Variants in THADA observed in about 807,000 individuals in gnomAD.
The protein encoded by THADA is THADA armadillo repeat containing, also known as tRNA (32-2'-O)-methyltransferase regulator THADA.
In THADA, 213 loss-of-function variants were observed where a neutral mutation model predicts 219.8. That is an observed-to-expected ratio of 0.97 (90% confidence interval 0.87 to 1.09). The LOEUF (loss-of-function observed/expected upper bound fraction) is 1.09. THADA is among the 50% of genes least tolerant of loss of function. The pLI is 0.00. For synonymous variants in THADA, 1,018 were observed against 828.9 expected (o/e 1.23, Z -3.92); for missense variants, 2,956 against 2,311.3 (o/e 1.28, Z -5.72).
At chr2:43,331,856 T>C (rs1005515027) in intron 30 of THADA, among the ~76,000 whole-genome samples, 7 of 151,604 alleles carry the variant, frequency 4.6e-5, no homozygotes, top group Non-Finnish European at 8.8e-5. Context: ...ACTGTCTAAA[T>C]TTTCATTTAG....
chr2:43,580,857 G>A (rs1347182025), intron 8 of THADA, among the ~76,000 whole-genome samples: 1 of 151,528 alleles, frequency 6.6e-6, no homozygotes, highest in East Asian at 1.9e-4. Context: ...TCCAGTGTGG[G>A]CGACAAAGAG....
At chr2:43,320,996 T>A (rs1332329386) in intron 30 of THADA, among the ~76,000 whole-genome samples, 1 of 152,200 alleles carries the variant, frequency 6.6e-6, no homozygotes, top group Admixed American at 6.5e-5. Context: ...GCTGTATCTG[T>A]GGACTTGAAA....
chr2:43,349,096 C>T (rs1475679531), intron 29 of THADA, among the ~76,000 whole-genome samples: 2 of 152,134 alleles, frequency 1.3e-5, no homozygotes, highest in Non-Finnish European at 2.9e-5. Flanking sequence ...CCATGACTAT[C>T]ATAGGCATGG....
intron 36 of THADA, among the ~76,000 whole-genome samples, chr2:43,237,365 A>T (rs964921169): frequency 6.6e-6 from 1 of 151,522 alleles, no homozygotes; most frequent in Non-Finnish European, 1.5e-5. Context: ...CGAACACCTA[A>T]ATGTAAGAGC....
At chr2:43,563,253 T>C (rs1203803053) in intron 15 of THADA, 1 of 152,244 alleles carries the variant, frequency 6.6e-6, no homozygotes, top group African/African-American at 2.4e-5. Flanking sequence ...TATTTTTGCT[T>C]TCATTCATCT....
intron 30 of THADA, among the ~76,000 whole-genome samples, chr2:43,340,576 A>C (rs2104526313): frequency 6.6e-6 from 1 of 152,340 alleles, no homozygotes; most frequent in South Asian, 2.1e-4. Flanking sequence ...TGATCAAATA[A>C]ATTAGGGAAG....
chr2:43,349,675 G>A (rs761651110), intron 29 of THADA, among the ~76,000 whole-genome samples: 1 of 152,022 alleles, frequency 6.6e-6, no homozygotes, highest in Non-Finnish European at 1.5e-5. Flanking sequence ...GGTTAGACAG[G>A]CTATGAAAAA....
intron 28 of THADA, among the ~76,000 whole-genome samples, chr2:43,416,431 A>T (rs1676977644): frequency 6.6e-6 from 1 of 152,218 alleles, no homozygotes. Flanking sequence ...TTTCATACAA[A>T]TATATATTTT....
intron 29 of THADA, among the ~76,000 whole-genome samples, chr2:43,383,476 C>T (rs922037186): frequency 2.0e-5 from 3 of 152,194 alleles, no homozygotes; most frequent in Non-Finnish European, 4.4e-5. Flanking sequence ...CCCTGTTGGT[C>T]ATGGAAACAA....
intron 22 of THADA, among the ~76,000 whole-genome samples, chr2:43,514,950 A>AAT (rs1211619698): frequency 1.3e-5 from 1 of 77,836 alleles, no homozygotes; most frequent in East Asian, 4.1e-4. Context: ...TTTTATATAT[A>AAT]ATATATAATA....
In THADA at chr2:43,389,689, A is replaced by G. The variant is rs140745909; in HGVS notation, c.4227+8282T>C. ...GGCTGGTTTACTCACTGCCTCCTGCAAACACTTTCTGATGCCCTCCTCCAT... is the reference window on the plus strand; with the variant it reads ...GGCTGGTTTACTCACTGCCTCCTGCGAACACTTTCTGATGCCCTCCTCCAT... On this transcript the variant is annotated intron_variant, in intron 29 of 37. Coordinates refer to ENST00000405975, the MANE Select transcript of THADA (RefSeq NM_022065.5). 5.2e-3 allele frequency among the ~76,000 whole-genome samples: 789 copies of G among 152,232 alleles called. 6 individuals carry two copies. The highest frequency in any genetic ancestry group is 0.016 in the African/African-American group (662 of 41,530).
intron 29 of THADA, among the ~76,000 whole-genome samples, chr2:43,350,510 G>A (rs545032778): frequency 7.2e-5 from 11 of 152,352 alleles, no homozygotes; most frequent in African/African-American, 1.9e-4. Flanking sequence ...CAACTAGGCC[G>A]TAGGCCTCTC....
intron 36 of THADA, among the ~76,000 whole-genome samples, chr2:43,276,121 A>AT (rs1367952233): frequency 4.6e-5 from 7 of 151,968 alleles, no homozygotes; most frequent in African/African-American, 2.4e-5. Context: ...CAGCCCACAA[A>AT]TTTTTTTTCT....
At chr2:43,553,764 A>C (rs1697022428) in intron 17 of THADA, among the ~76,000 whole-genome samples, 1 of 152,100 alleles carries the variant, frequency 6.6e-6, no homozygotes, top group Non-Finnish European at 1.5e-5. Context: ...CTTTCTCTAC[A>C]TCCTCATCAA....
At chr2:43,520,998 A>AAAGGGAGGG (rs1308061860) in intron 22 of THADA, among the ~76,000 whole-genome samples, 10 of 56,978 alleles carry the variant, frequency 1.8e-4, no homozygotes, top group African/African-American at 4.3e-4. Context: ...GAAAGGGAGG[A>AAAGGGAGGG]AAGGGAGGGA....
intron 30 of THADA, among the ~76,000 whole-genome samples, chr2:43,330,754 T>C (rs1679868372): frequency 6.6e-6 from 1 of 152,204 alleles, no homozygotes; most frequent in East Asian, 1.9e-4. Flanking sequence ...GCCCTATCCA[T>C]GGAAGGCAGC....
At chr2:43,303,634 C>G (rs1389234361) in intron 31 of THADA, among the ~76,000 whole-genome samples, 1 of 147,962 alleles carries the variant, frequency 6.8e-6, no homozygotes, top group Non-Finnish European at 1.5e-5. Flanking sequence ...CAAGGGCATT[C>G]TGAAAAAAAA....
At chr2:43,562,886 C>G (rs1320723289) in intron 15 of THADA, 5 of 152,164 alleles carry the variant, frequency 3.3e-5, no homozygotes, top group Non-Finnish European at 7.3e-5. Flanking sequence ...GTCTTATAAT[C>G]ATTTTTATTT....
chr2:43,560,451 T>C (rs767554797), intron 15 of THADA, 66 bp from the exon 16 acceptor site: 7 of 1,214,618 alleles, frequency 5.8e-6, no homozygotes, highest in East Asian at 2.7e-5. Context: ...TCTGAAGTTA[T>C]TTGACCAAAT....
Sources: gnomAD v4.1 joint callset for allele counts (sites outside exome capture counted in the v4.1 genomes callset) on GRCh38, gnomAD v4.1.1 for gene constraint, MANE v1.5 for transcripts, NCBI Gene and HGNC (gene_info 2026-07-23, HGNC 2026-07-21) for gene names.